The following QRSL1 variants were observed in gnomAD, a reference collection of about 807,000 sequenced individuals.
QRSL1 encodes the protein glutaminyl-tRNA amidotransferase subunit QRSL1.
QRSL1 carries 54 observed loss-of-function variants against 61.6 expected under a neutral mutation model. The observed-to-expected ratio is 0.88, with a 90% confidence interval of 0.70 to 1.10. The LOEUF is 1.10. Among genes scored for constraint, QRSL1 ranks in the 50% least tolerant of loss-of-function variants. The pLI is 0.00. For missense variants in QRSL1, 505 were observed against 622.6 expected, an observed-to-expected ratio of 0.81 and a Z score of 2.01; for synonymous variants, 228 against 225.7, an observed-to-expected ratio of 1.01 and a Z score of -0.09.
intron 4 of QRSL1, among the ~76,000 whole-genome samples, chr6:106,645,628 G>A (rs984978524): frequency 7.9e-5 from 12 of 152,188 alleles, no homozygotes; most frequent in Non-Finnish European, 1.8e-4. Flanking sequence ...TCACCATATT[G>A]GCCAGGCTGG....
At chr6:106,629,806 T>A (rs1776776698) in intron 1 of QRSL1, 101 bp downstream of exon 1, 2 of 1,420,400 alleles carry the variant, frequency 1.4e-6, no homozygotes, top group South Asian at 2.5e-5. Context: ...TTGGCCCACC[T>A]CGCTGCTTCC....
At chr6:106,657,590 C>T (rs1308460219) in intron 9 of QRSL1, among the ~76,000 whole-genome samples, 1 of 152,138 alleles carries the variant, frequency 6.6e-6, no homozygotes, top group East Asian at 1.9e-4. Context: ...CTGCTGGTAT[C>T]CCTAGCTCCT....
rs200164281 is a variant in QRSL1 at position 106,640,862 on chromosome 6, T to C, written c.224T>C (p.Val75Ala). The change falls in exon 3 of 11, where the codon GTA (valine) becomes GCA (alanine). Residue 75 changes from valine to alanine, a missense_variant. By Grantham distance (64) the Val-to-Ala change is moderately conservative (BLOSUM62 0). Coordinates refer to ENST00000369046, the MANE Select transcript of QRSL1 (RefSeq NM_018292.5). The part of the protein sequence containing the change: ...LGDLDGIPIA[V>A]KDNFSTSGIE... ...GATTTAGATGGAATTCCTATTGCAG[T>C]AAAAGACAATTTCAGCACTTCTGGC... The C allele has an allele frequency of 2.4e-5, 39 of 1,613,726 alleles. No individual in the cohort carries two copies. The highest frequency in any genetic ancestry group is 2.8e-5 in the Non-Finnish European group (33 of 1,179,886).
chr6:106,642,694 G>A, intron 3 of QRSL1: 2 of 756,206 alleles, frequency 2.6e-6, no homozygotes, highest in Non-Finnish European at 4.8e-6. Flanking sequence ...ACAAGGGCAA[G>A]ATTCTTGCCA....
intron 7 of QRSL1, chr6:106,653,895 C>G (rs1456681522): frequency 2.6e-5 from 4 of 151,738 alleles, no homozygotes; most frequent in Non-Finnish European, 2.9e-5. Flanking sequence ...AGAGCATAGG[C>G]TTTAAAACAG....
At chr6:106,647,768 A>T (rs1185119311) in intron 4 of QRSL1, among the ~76,000 whole-genome samples, 1 of 135,512 alleles carries the variant, frequency 7.4e-6, no homozygotes, top group Admixed American at 7.9e-5. Context: ...CTTCTGCCTC[A>T]GCCTCCCGAG....
chr6:106,639,116 G>GTTTTTTTTTTTTTTTTTT (rs1554200732), intron 1 of QRSL1, among the ~76,000 whole-genome samples: 16 of 54,358 alleles, frequency 2.9e-4, no homozygotes, highest in Admixed American at 9.5e-4. Context: ...TGTGTGTTTT[G>GTTTTTTTTTTTTTTTTTT]TTGTTTTTTT....
At position 106,662,991 on chromosome 6, in the gene QRSL1, A is replaced by G; in HGVS notation, c.1172A>G (p.Asn391Ser). The change falls in exon 10 of 11, where the codon AAT becomes AGT. Residue 391 changes from asparagine to serine, a missense_variant. Asn to Ser is a conservative substitution (Grantham distance 46, BLOSUM62 1). Coordinates refer to ENST00000369046, the MANE Select transcript of QRSL1 (RefSeq NM_018292.5). ...CTTTTTTCCCACAGAAACTATGAAA[A>G]TTATTTTGTCAAAGCACAGAAAGTG... Reference protein sequence around the residue: ...NFFLLKENYENYFVKAQKVRR... With the variant: ...NFFLLKENYESYFVKAQKVRR... 1 of 1,608,244 alleles carries G rather than the reference A, an allele frequency of 6.2e-7. No individual in the cohort carries two copies. Among genetic ancestry groups the G allele is most frequent in the Non-Finnish European group, 8.5e-7 (1 of 1,174,788 alleles).
At chr6:106,665,699 C>T (rs1777419694) in intron 10 of QRSL1, 83 bp from the exon 11 acceptor site, 5 of 1,162,512 alleles carry the variant, frequency 4.3e-6, no homozygotes, top group Admixed American at 1.8e-5. Flanking sequence ...CTGTATTGTA[C>T]TTATTAGCAC....
At chr6:106,652,150 A>T in intron 5 of QRSL1, 59 bp from the exon 6 acceptor site, 1 of 1,465,658 alleles carries the variant, frequency 6.8e-7, no homozygotes, top group Middle Eastern at 1.8e-4. Context: ...GAAAGGGTAG[A>T]TTCCAAATAT....
At chr6:106,640,768 G>C in intron 2 of QRSL1, 55 bp from the exon 3 acceptor site, 1 of 1,425,284 alleles carries the variant, frequency 7.0e-7, no homozygotes, top group Non-Finnish European at 9.8e-7. Context: ...ATGTATTCAT[G>C]TATCTTTATA....
Position 106,652,356 on chromosome 6 carries a change from A to G in QRSL1, c.705A>G (p.Arg235=), listed in dbSNP as rs750214959. Residue 235 remains arginine, a synonymous_variant, in exon 6 of 11, where the codon AGA becomes AGG. Transcript: ENST00000369046. ...TGGATGTGCCAGGAATCTTAACCAG[A>G]TGTGTGGATGATGCAGCAATTGTGT... The part of the protein sequence containing the change: ...NSMDVPGILT[R]CVDDAAIVLG... 2 of 1,614,140 alleles carry G rather than the reference A, an allele frequency of 1.2e-6. No individual in the cohort carries two copies. Among genetic ancestry groups the G allele is most frequent in the Non-Finnish European group, 1.7e-6 (2 of 1,180,036 alleles).
At chr6:106,632,381 TTTAA>T (rs896625241) in intron 1 of QRSL1, among the ~76,000 whole-genome samples, 3 of 151,926 alleles carry the variant, frequency 2.0e-5, no homozygotes, top group African/African-American at 7.3e-5. Flanking sequence ...TTTATTTATT[TTTAA>T]TTATTTTTTT....
At position 106,635,489 on chromosome 6, in the gene QRSL1, A is replaced by G. The variant is rs146331972; in HGVS notation, c.25-4860A>G. ...GGCAAAAGCATGAATGGACTGTGTT[A>G]AAGAGAGGATGAGTACCCATCACTG... is the stretch of plus-strand genomic sequence containing the variant. On this transcript the variant is annotated intron_variant, in intron 1 of 10. Coordinates refer to ENST00000369046, the MANE Select transcript of QRSL1 (RefSeq NM_018292.5). Among the ~76,000 whole-genome samples, 205 of 152,320 alleles carry G rather than the reference A, an allele frequency of 1.3e-3. 3 individuals carry two copies. The highest frequency in any genetic ancestry group is 0.011 in the Admixed American group (170 of 15,304).
Position 106,666,929 on chromosome 6 carries a change from AT to A in QRSL1, c.*928del. ...TTTATTTCCCTAAGAAAGAGCTGAA[AT>A]GACTGAGAACTTTCCTTTCCTCCTT... is the stretch of plus-strand genomic sequence containing the variant. On this transcript the variant is annotated 3_prime_UTR_variant, in exon 11 of 11. Transcript: ENST00000369046. 1 of 152,328 alleles carries A rather than the reference AT, an allele frequency of 6.6e-6. No individual in the cohort carries two copies. The highest frequency in any genetic ancestry group is 1.5e-5 in the Non-Finnish European group (1 of 68,028). 9.4% of individuals were successfully genotyped at this position (152,328 alleles called of 1,614,324 possible). A position where few individuals can be genotyped will look rare whatever the true frequency, so the allele number is the denominator to read the frequency against.
intron 9 of QRSL1, among the ~76,000 whole-genome samples, chr6:106,661,174 G>A (rs999387176): frequency 6.6e-6 from 1 of 151,930 alleles, no homozygotes; most frequent in Admixed American, 6.6e-5. Flanking sequence ...GCAGTGGCGC[G>A]ATCTTGGCTC....
At chr6:106,653,121 A>G (rs1281325309) in intron 7 of QRSL1, 2 of 177,994 alleles carry the variant, frequency 1.1e-5, no homozygotes, top group Admixed American at 1.1e-4. Context: ...TATTATTACT[A>G]CTGCATCTAT....
At chr6:106,640,984 A>G in intron 3 of QRSL1, 63 bp downstream of exon 3, 2 of 1,123,746 alleles carry the variant, frequency 1.8e-6, no homozygotes, top group East Asian at 2.4e-5. Context: ...CGCTTTAAGG[A>G]TAATAAAGTA....
intron 1 of QRSL1, among the ~76,000 whole-genome samples, chr6:106,630,633 C>A (rs932209273): frequency 6.6e-6 from 1 of 152,128 alleles, no homozygotes; most frequent in African/African-American, 2.4e-5. Context: ...AAACTATGCC[C>A]CACTCTAGAC....
Sources: gnomAD v4.1 joint callset for allele counts (sites outside exome capture counted in the v4.1 genomes callset) on GRCh38, gnomAD v4.1.1 for gene constraint, MANE v1.5 for transcripts, NCBI Gene and HGNC (gene_info 2026-07-23, HGNC 2026-07-21) for gene names.